Variants in ANO3 observed in about 807,000 individuals in gnomAD.
ANO3 encodes anoctamin-3.
A neutral mutation model predicts 144.8 loss-of-function variants in ANO3; 99 were observed. That is an observed-to-expected ratio of 0.68 (90% CI 0.58 to 0.81). The LOEUF (loss-of-function observed/expected upper bound fraction) is 0.81, where lower values mean the gene tolerates loss of function less well. Ranked by LOEUF, ANO3 falls within the 30% of genes least tolerant of loss-of-function variation. ANO3 has a pLI of 0.00. For synonymous variants in ANO3, 414 were observed against 392.6 expected (o/e 1.05, Z -0.64); for missense variants, 905 against 1,202.2 (o/e 0.75, Z 3.66).
At chr11:26,262,351 T>A (rs1225229108) in intron 1 of ANO3, among the ~76,000 whole-genome samples, 1 of 152,190 alleles carries the variant, frequency 6.6e-6, no homozygotes, top group Non-Finnish European at 1.5e-5. Flanking sequence ...AAGTGGCACA[T>A]TTTAATTTTT....
intron 6 of ANO3, among the ~76,000 whole-genome samples, chr11:26,520,209 G>T (rs1188109931): frequency 2.0e-5 from 3 of 152,160 alleles, no homozygotes; most frequent in Non-Finnish European, 4.4e-5. Flanking sequence ...TTAGAGCTTA[G>T]GTCTTTGGGC....
intron 13 of ANO3, among the ~76,000 whole-genome samples, chr11:26,555,488 T>G (rs1374358529): frequency 6.6e-6 from 1 of 152,182 alleles, no homozygotes; most frequent in Non-Finnish European, 1.5e-5. Context: ...TTTGTCATCA[T>G]GCAGTAAATA....
chr11:26,190,369 G>A (rs1669215116), intron 1 of ANO3, among the ~76,000 whole-genome samples: 2 of 151,926 alleles, frequency 1.3e-5, no homozygotes, highest in African/African-American at 4.8e-5. Flanking sequence ...CTGTAAACAG[G>A]AGATAAGACA....
At chr11:26,305,462 T>C (rs1854359021), upstream of ANO3, among the ~76,000 whole-genome samples, 1 of 151,546 alleles carries the variant, frequency 6.6e-6, no homozygotes, top group African/African-American at 2.4e-5. Flanking sequence ...GCATGGGGTT[T>C]TTCCACCGAG....
intron 12 of ANO3, 59 bp downstream of exon 12, chr11:26,547,609 TTA>T: frequency 7.0e-7 from 1 of 1,427,014 alleles, no homozygotes; most frequent in Non-Finnish European, 9.8e-7. Flanking sequence ...GGGCAAAAGT[TTA>T]ATGATAATGC....
intron 14 of ANO3, chr11:26,560,293 CT>C (rs377613243): frequency 3.4e-3 from 501 of 147,430 alleles, no homozygotes; most frequent in Non-Finnish European, 5.5e-3. Context: ...CTTTGGTTAA[CT>C]TTTTTTTTTT....
intron 1 of ANO3, among the ~76,000 whole-genome samples, chr11:26,288,272 T>C (rs1853854158): frequency 6.6e-6 from 1 of 152,182 alleles, no homozygotes. Flanking sequence ...TACTTGCTTT[T>C]AAGATAAAGA....
intron 3 of ANO3, among the ~76,000 whole-genome samples, chr11:26,451,791 G>A (rs1858951368): frequency 1.3e-5 from 2 of 152,204 alleles, no homozygotes; most frequent in South Asian, 2.1e-4. Context: ...CCTCAAGTGG[G>A]TCCCTGACCC....
At chr11:26,609,902 GT>G (rs1852045387) in intron 17 of ANO3, among the ~76,000 whole-genome samples, 2 of 152,088 alleles carry the variant, frequency 1.3e-5, no homozygotes, top group Non-Finnish European at 2.9e-5. Context: ...GCCAACGCTA[GT>G]TTACTTTGTA....
intron 26 of ANO3, among the ~76,000 whole-genome samples, chr11:26,657,582 ACTG>A (rs78967575): frequency 0.031 from 4,725 of 152,126 alleles, 103 homozygotes; most frequent in Non-Finnish European, 0.049. Context: ...TTCTTTCACC[ACTG>A]CTAATTCCAT....
intron 1 of ANO3, among the ~76,000 whole-genome samples, chr11:26,290,359 C>A (rs11029487): frequency 0.019 from 2,957 of 152,154 alleles, 59 homozygotes; most frequent in East Asian, 0.12. Context: ...TTCAAAAAAC[C>A]AGCTCCTGGA....
At chr11:26,360,284 A>T (rs1159558659) in intron 1 of ANO3, among the ~76,000 whole-genome samples, 2 of 148,142 alleles carry the variant, frequency 1.4e-5, no homozygotes, top group Non-Finnish European at 3.0e-5. Context: ...TCTTTCTTAA[A>T]TATTCATGGA....
intron 17 of ANO3, among the ~76,000 whole-genome samples, chr11:26,608,659 G>A (rs1852003786): frequency 6.6e-6 from 1 of 152,162 alleles, no homozygotes; most frequent in South Asian, 2.1e-4. Context: ...TGGAGTTCCT[G>A]CAGAGAGGCC....
intron 1 of ANO3, among the ~76,000 whole-genome samples, chr11:26,311,715 TTATCTCC>T (rs1854504611): frequency 6.6e-6 from 1 of 152,210 alleles, no homozygotes. Flanking sequence ...AGAGCACCAA[TTATCTCC>T]TGTACTCTGA....
intron 3 of ANO3, among the ~76,000 whole-genome samples, chr11:26,457,374 AT>A (rs1374610104): frequency 3.3e-5 from 5 of 151,880 alleles, no homozygotes; most frequent in Admixed American, 3.3e-4. Context: ...TAAATTTAAA[AT>A]TTTCCACTGG....
chr11:26,656,206 G>A lies in ANO3; in HGVS notation c.2657+1G>A, dbSNP rs2133095685. On this transcript the variant is annotated splice_donor_variant, in intron 25 of 26. Coordinates refer to ENST00000256737, the MANE Select transcript of ANO3 (RefSeq NM_031418.4). LOFTEE classifies it high-confidence loss of function. ...GTATGGGAAAATCTGGTTATTGCAG[G>A]TACTTATAATAGTTATCTTTCCTGC... is the stretch of plus-strand genomic sequence containing the variant. 6.2e-7 allele frequency: 1 copy of A among 1,610,980 alleles called. No individual in the cohort carries two copies.
intron 3 of ANO3, among the ~76,000 whole-genome samples, chr11:26,450,760 G>A (rs2134036817): frequency 6.6e-6 from 1 of 152,260 alleles, no homozygotes; most frequent in South Asian, 2.1e-4. Flanking sequence ...ATTTGTCAGA[G>A]ATCTACTCAC....
At chr11:26,538,064 A>G (rs1849554955) in intron 10 of ANO3, among the ~76,000 whole-genome samples, 1 of 152,156 alleles carries the variant, frequency 6.6e-6, no homozygotes, top group Non-Finnish European at 1.5e-5. Flanking sequence ...TCACACTTCT[A>G]TTTATAAATT....
At chr11:26,591,868 TTGAGCG>T (rs1565127793) in intron 14 of ANO3, among the ~76,000 whole-genome samples, 1 of 151,992 alleles carries the variant, frequency 6.6e-6, no homozygotes, top group Non-Finnish European at 1.5e-5. Context: ...AGGGTTTGAC[TTGAGCG>T]TGATGTATCC....
Sources: allele counts gnomAD v4.1 joint callset (sites outside exome capture counted in the v4.1 genomes callset), GRCh38; gene constraint gnomAD v4.1.1; transcripts MANE v1.5; gene names NCBI Gene and HGNC (gene_info 2026-07-23, HGNC 2026-07-21).